The following SPMIP8 variants were observed in gnomAD, a reference collection of about 807,000 sequenced individuals.
The protein encoded by SPMIP8 is testicular tissue protein Li 196.
chr16:57,986,053 C>T, the SPMIP8 span: 6 of 1,372,100 alleles, frequency 4.4e-6, no homozygotes, highest in Non-Finnish European at 5.8e-6. Context: ...CGAGGCCTGG[C>T]GAGGAGGAGG....
chr16:57,983,859 C>A, the SPMIP8 span, among the ~76,000 whole-genome samples: 1 of 152,174 alleles, frequency 6.6e-6, no homozygotes, highest in African/African-American at 2.4e-5. Context: ...GTGATCCACC[C>A]GCTTTGGCCT....
At chr16:57,985,058 G>A in the SPMIP8 span, 21 of 1,123,168 alleles carry the variant, frequency 1.9e-5, no homozygotes, top group South Asian at 1.2e-4. Context: ...CCCTGGTGGG[G>A]CAGCGGAGGC....
the SPMIP8 span, chr16:57,985,486 G>C: frequency 1.2e-6 from 2 of 1,613,828 alleles, no homozygotes. Flanking sequence ...CCTCAGTACT[G>C]CCTCAGCCAG....
the SPMIP8 span, among the ~76,000 whole-genome samples, chr16:57,981,389 A>AATAATTATTATTATTATAATAATAATT: frequency 7.5e-6 from 1 of 132,912 alleles, no homozygotes; most frequent in East Asian, 2.1e-4. Flanking sequence ...CAATAATAAT[A>AATAATTATTATTATTATAATAATAATT]ATAATTATTA....
the SPMIP8 span, chr16:57,987,505 G>A: frequency 6.7e-7 from 1 of 1,488,198 alleles, no homozygotes; most frequent in East Asian, 2.5e-5. Context: ...GACTTATGGT[G>A]GCACCAGCCA....
the SPMIP8 span, among the ~76,000 whole-genome samples, chr16:57,981,404 T>TATA: frequency 7.8e-5 from 11 of 140,516 alleles, no homozygotes; most frequent in East Asian, 2.0e-4. Context: ...TTATTATTAT[T>TATA]ATAATAATAA....
chr16:57,986,263 G>A, the SPMIP8 span: 247,692 of 298,712 alleles, frequency 0.83, 104,445 homozygotes, highest in African/African-American at 0.94. Context: ...GGAGAGAGCC[G>A]AGAATCTGCC....
the SPMIP8 span, chr16:57,984,704 A>G: frequency 5.6e-6 from 9 of 1,598,874 alleles, no homozygotes; most frequent in African/African-American, 1.2e-4. Flanking sequence ...CCATCGCGCC[A>G]GGCATCAACC....
At chr16:57,984,426 T>C in the SPMIP8 span, 36 of 1,552,880 alleles carry the variant, frequency 2.3e-5, no homozygotes, top group Admixed American at 3.5e-5. Context: ...GCACCTCTGG[T>C]CCTGGGATCT....
chr16:57,979,148 T>G, the SPMIP8 span, among the ~76,000 whole-genome samples: 7 of 152,208 alleles, frequency 4.6e-5, no homozygotes, highest in African/African-American at 1.7e-4. Flanking sequence ...TGGAGGGATT[T>G]AGAAGGTATT....
chr16:57,984,200 G>A, the SPMIP8 span: 9 of 1,144,438 alleles, frequency 7.9e-6, no homozygotes, highest in South Asian at 1.2e-5. Context: ...CATCGTGCCC[G>A]GCCTCAAAAA....
At chr16:57,984,607 C>A in the SPMIP8 span, 2 of 1,525,916 alleles carry the variant, frequency 1.3e-6, no homozygotes, top group Middle Eastern at 2.0e-4. Flanking sequence ...GCTACGGCCG[C>A]GCGGGCCTGA....
the SPMIP8 span, chr16:57,984,243 C>G: frequency 1.3e-6 from 2 of 1,572,336 alleles, no homozygotes; most frequent in East Asian, 2.2e-5. Context: ...CAAAGTTCTC[C>G]TATGACCTCT....
the SPMIP8 span, among the ~76,000 whole-genome samples, chr16:57,977,010 T>C: frequency 2.6e-4 from 39 of 152,340 alleles, no homozygotes; most frequent in African/African-American, 9.4e-4. Context: ...TCTGTAGAAT[T>C]TTGGGTAAAT....
At chr16:57,978,122 G>A in the SPMIP8 span, 2 of 1,463,940 alleles carry the variant, frequency 1.4e-6, no homozygotes, top group East Asian at 2.5e-5. Flanking sequence ...GGATGAAAGA[G>A]GCCAGTCCCA....
chr16:57,983,166 G>A, the SPMIP8 span, among the ~76,000 whole-genome samples: 1 of 152,118 alleles, frequency 6.6e-6, no homozygotes, highest in East Asian at 1.9e-4. Flanking sequence ...ACCCAGGCTG[G>A]AGGGCAGTGG....
the SPMIP8 span, among the ~76,000 whole-genome samples, chr16:57,981,379 CAAT>C: frequency 1.4e-4 from 7 of 51,788 alleles, no homozygotes; most frequent in East Asian, 2.1e-3. Flanking sequence ...CACTCCGTCT[CAAT>C]AATAATAATA....
the SPMIP8 span, chr16:57,986,747 C>G: frequency 1.3e-5 from 2 of 152,212 alleles, no homozygotes; most frequent in Non-Finnish European, 2.9e-5. Context: ...GTGCGCATGA[C>G]CAAGCTTGGC....
chr16:57,987,072 G>C, the SPMIP8 span: 1 of 303,934 alleles, frequency 3.3e-6, no homozygotes, highest in East Asian at 5.3e-5. Context: ...CAGCCTTCCC[G>C]TCTCCCACAC....
Sources: allele counts gnomAD v4.1 joint callset (sites outside exome capture counted in the v4.1 genomes callset), GRCh38; gene constraint gnomAD v4.1.1; transcripts MANE v1.5; gene names NCBI Gene and HGNC (gene_info 2026-07-23, HGNC 2026-07-21).